Variants in KLHL13 observed in about 807,000 individuals in gnomAD.
KLHL13 encodes the protein kelch like family member 13, also known as kelch-like protein 13.
In KLHL13, 10 loss-of-function variants were observed where a neutral mutation model predicts 37.1. The observed-to-expected ratio is 0.27, with a 90% confidence interval of 0.17 to 0.46. The LOEUF is 0.46. Among genes scored for constraint, KLHL13 ranks in the 20% least tolerant of loss-of-function variants. The pLI is 1.00. For synonymous variants in KLHL13, 163 were observed against 181.2 expected (o/e 0.90, Z 0.81); for missense variants, 360 against 509.3 (o/e 0.71, Z 2.82).
chrX:117,970,245 C>T (rs1298453097), intron 1 of KLHL13, among the ~76,000 whole-genome samples: 2 of 111,937 alleles, frequency 1.8e-5, no homozygotes, highest in African/African-American at 6.5e-5. Flanking sequence ...TGACAAAGCA[C>T]GGTAAGTAAT....
At chrX:118,049,433 T>TA (rs2054592429) in intron 1 of KLHL13, among the ~76,000 whole-genome samples, 1 of 112,029 alleles carries the variant, frequency 8.9e-6, no homozygotes, top group South Asian at 3.7e-4. Flanking sequence ...TTGTGTTCTT[T>TA]AAAAAATAGT....
In KLHL13 at chrX:118,008,459, C is replaced by T. The variant is rs376088361; in HGVS notation, c.-55-62884G>A. 1.4e-4 allele frequency among the ~76,000 whole-genome samples: 16 copies of T among 111,497 alleles called. No individual in the cohort carries two copies. The East Asian group carries it at 3.4e-3, about 24-fold the overall frequency. On this transcript the variant is annotated intron_variant, in intron 1 of 6. Coordinates refer to the KLHL13 transcript ENST00000371882. ...AACCAATGTACTACTAGTATTGGAA[C>T]TTTAATATCTACTACAGACACCACA...
intron 5 of KLHL13, among the ~76,000 whole-genome samples, chrX:117,905,368 C>A (rs768525046): frequency 8.9e-6 from 1 of 111,890 alleles, no homozygotes; most frequent in East Asian, 2.8e-4. Flanking sequence ...CCAGAAATAA[C>A]TGACTCCTTT....
At chrX:117,965,275 C>T (rs2053400908) in intron 1 of KLHL13, among the ~76,000 whole-genome samples, 1 of 111,665 alleles carries the variant, frequency 9.0e-6, no homozygotes, top group Non-Finnish European at 1.9e-5. Flanking sequence ...TTAATGATCG[C>T]CATTCTAAGT....
At chrX:118,078,978 C>A (rs771282854) in intron 1 of KLHL13, among the ~76,000 whole-genome samples, 18 of 110,118 alleles carry the variant, frequency 1.6e-4, no homozygotes, top group Non-Finnish European at 3.2e-4. Flanking sequence ...CTAGTAGGTT[C>A]CTAGGGGTAT....
exon 1 of KLHL13, chrX:117,973,088 C>T: frequency 1.0e-6 from 1 of 1,002,694 alleles, no homozygotes; most frequent in Non-Finnish European, 1.3e-6. Context: ...GCGTTGACTG[C>T]AGTATATTTT....
chrX:118,032,190 G>C (rs1244929504), intron 1 of KLHL13, among the ~76,000 whole-genome samples: 1 of 111,315 alleles, frequency 9.0e-6, no homozygotes, highest in Non-Finnish European at 1.9e-5. Context: ...GCCCAGGCTT[G>C]CTTAGGTAAA....
chrX:117,953,772 A>G (rs1260741578), intron 1 of KLHL13, among the ~76,000 whole-genome samples: 1 of 111,313 alleles, frequency 9.0e-6, no homozygotes, highest in Non-Finnish European at 1.9e-5. Flanking sequence ...TTATAAGCAC[A>G]AGGAGGATAT....
At chrX:117,908,308 T>C (rs1482937958) in intron 5 of KLHL13, among the ~76,000 whole-genome samples, 3 of 108,617 alleles carry the variant, frequency 2.8e-5, no homozygotes, top group Admixed American at 1.0e-4. Context: ...TTTTGTTACA[T>C]AAGTATACAC....
At chrX:118,055,295 T>G (rs1423727344) in intron 1 of KLHL13, among the ~76,000 whole-genome samples, 2 of 111,994 alleles carry the variant, frequency 1.8e-5, no homozygotes, top group Admixed American at 9.5e-5. Flanking sequence ...ATCAAAAAAG[T>G]TAAAGTAGGA....
At chrX:117,926,408 C>A in intron 2 of KLHL13, among the ~76,000 whole-genome samples, 1 of 111,165 alleles carries the variant, frequency 9.0e-6, no homozygotes, top group Non-Finnish European at 1.9e-5. Context: ...GAAAAACAGT[C>A]ACCCTCAAGG....
chrX:117,910,844 A>G (rs1205070084), intron 4 of KLHL13, among the ~76,000 whole-genome samples: 1 of 110,933 alleles, frequency 9.0e-6, no homozygotes, highest in Non-Finnish European at 1.9e-5. Context: ...AGCCACTCTT[A>G]CTTTCAGCAC....
chrX:117,963,777 A>G (rs1383062654), intron 1 of KLHL13, among the ~76,000 whole-genome samples: 5 of 102,929 alleles, frequency 4.9e-5, no homozygotes, highest in African/African-American at 1.1e-4. Flanking sequence ...GTGTGAGATG[A>G]TATCTCATAG....
At chrX:118,084,709 A>G (rs2055033785) in intron 1 of KLHL13, among the ~76,000 whole-genome samples, 1 of 111,487 alleles carries the variant, frequency 9.0e-6, no homozygotes, top group African/African-American at 3.3e-5. Flanking sequence ...CATCCAAATG[A>G]CACAGTACTA....
chrX:117,965,387 T>C (rs900970486), intron 1 of KLHL13, among the ~76,000 whole-genome samples: 1 of 112,194 alleles, frequency 8.9e-6, no homozygotes, highest in Non-Finnish European at 1.9e-5. Context: ...AAATGTCTTC[T>C]TTTGAGAAGT....
Position 117,909,589 on chromosome X carries a change from G to A in KLHL13, c.1078C>T (p.Arg360Cys), listed in dbSNP as rs751065887. 2.1e-5 allele frequency: 25 copies of A among 1,209,835 alleles called. No individual in the cohort carries two copies. The highest frequency in any genetic ancestry group is 2.6e-5 in the Non-Finnish European group (23 of 895,237). ...TCATGGGCCTTTTCATCATACATGC[G>A]CAATTCCTTACTGACAACCAGCTGC... Residue 360 changes from arginine (R) to cysteine (C), a missense_variant, in exon 5 of 7, where the codon CGC (arginine) becomes TGC (cysteine). Coordinates refer to ENST00000262820, the Ensembl canonical transcript of KLHL13.
At chrX:117,962,110 C>T (rs745449872) in intron 1 of KLHL13, among the ~76,000 whole-genome samples, 2 of 104,689 alleles carry the variant, frequency 1.9e-5, no homozygotes, top group South Asian at 8.9e-4. Flanking sequence ...ACTGAGGAGG[C>T]TGAGGCAGGA....
chrX:118,028,240 G>C (rs926468591), intron 1 of KLHL13, among the ~76,000 whole-genome samples, 184 bp downstream of exon 2: 2 of 111,052 alleles, frequency 1.8e-5, no homozygotes, highest in Non-Finnish European at 3.8e-5. Context: ...CATTATCTCA[G>C]GAAACATTGT....
At chrX:117,955,851 C>G (rs2147841774) in intron 1 of KLHL13, among the ~76,000 whole-genome samples, 1 of 111,612 alleles carries the variant, frequency 9.0e-6, no homozygotes, top group Admixed American at 9.5e-5. Flanking sequence ...ATATCCATTG[C>G]TGGCCATAAG....
Sources: allele counts gnomAD v4.1 joint callset (sites outside exome capture counted in the v4.1 genomes callset), GRCh38; gene constraint gnomAD v4.1.1; transcripts MANE v1.5; gene names NCBI Gene and HGNC (gene_info 2026-07-23, HGNC 2026-07-21).